Variants in ATP10A observed in about 807,000 individuals in gnomAD.
ATP10A encodes ATPase phospholipid transporting 10A (putative).
In ATP10A, 111 loss-of-function variants were observed where a neutral mutation model predicts 147.8. The ratio of observed to expected loss-of-function variants is 0.75; its 90% confidence interval spans 0.64 to 0.88. The LOEUF is 0.88. ATP10A is among the 40% of genes least tolerant of loss of function. The probability of loss-of-function intolerance (pLI) is 0.00; values close to 1 mark genes in which losing one functional copy is unlikely to be tolerated. For synonymous variants in ATP10A, 875 were observed against 841.6 expected, an observed-to-expected ratio of 1.04 and a Z score of -0.69; for missense variants, 1,927 against 1,959.0, an observed-to-expected ratio of 0.98 and a Z score of 0.31.
intron 1 of ATP10A, among the ~76,000 whole-genome samples, chr15:25,782,777 G>A (rs943903220): frequency 1.6e-4 from 24 of 152,208 alleles, no homozygotes; most frequent in African/African-American, 5.1e-4. Flanking sequence ...CCTTGAAGGC[G>A]GTTTTGGCCA....
chr15:25,726,353 G>A (rs1486191591), intron 4 of ATP10A, among the ~76,000 whole-genome samples: 2 of 152,098 alleles, frequency 1.3e-5, no homozygotes, highest in East Asian at 3.9e-4. Context: ...GAAGGCTTTG[G>A]GTTGAGGTAC....
At chr15:25,680,080 T>A in intron 20 of ATP10A, 41 bp downstream of exon 20, 1 of 1,601,580 alleles carries the variant, frequency 6.2e-7, no homozygotes, top group East Asian at 2.2e-5. Flanking sequence ...TCGTCTGGGC[T>A]CACTCGGGGC....
At chr15:25,697,264 C>T (rs777107805) in intron 13 of ATP10A, among the ~76,000 whole-genome samples, 17 of 152,130 alleles carry the variant, frequency 1.1e-4, no homozygotes, top group Non-Finnish European at 1.9e-4. Flanking sequence ...CCTTTGAAAC[C>T]AACACCCAGA....
intron 6 of ATP10A, among the ~76,000 whole-genome samples, chr15:25,722,192 T>C (rs1182429989): frequency 4.6e-5 from 7 of 152,064 alleles, no homozygotes; most frequent in Non-Finnish European, 1.0e-4. Flanking sequence ...AGCAAGCAAG[T>C]TGTGCTTGAG....
intron 2 of ATP10A, among the ~76,000 whole-genome samples, chr15:25,774,778 A>G (rs138791141): frequency 3.9e-5 from 6 of 152,298 alleles, no homozygotes; most frequent in African/African-American, 1.4e-4. Context: ...TCAAATAATC[A>G]TATTACCTAC....
intron 1 of ATP10A, among the ~76,000 whole-genome samples, chr15:25,785,401 G>C (rs987364993): frequency 2.0e-5 from 3 of 152,188 alleles, no homozygotes; most frequent in African/African-American, 7.2e-5. Context: ...CCCACACCTC[G>C]GTGTCTGACT....
intron 2 of ATP10A, chr15:25,738,459 A>G (rs1887409470): frequency 6.6e-6 from 1 of 152,244 alleles, no homozygotes; most frequent in African/African-American, 2.4e-5. Context: ...ACAAATGATT[A>G]CAATAGTAAA....
chr15:25,747,691 A>C (rs946832814), intron 2 of ATP10A, among the ~76,000 whole-genome samples: 1 of 152,172 alleles, frequency 6.6e-6, no homozygotes, highest in African/African-American at 2.4e-5. Context: ...GTAGAAAAAA[A>C]CCCAGCATAT....
chr15:25,708,233 C>T lies in ATP10A; in HGVS notation c.2412G>A (p.Ala804=), dbSNP rs762896474. The T allele has an allele frequency of 6.8e-6, 11 of 1,614,192 alleles. No homozygotes were observed. The highest frequency in any genetic ancestry group is 1.1e-5 in the South Asian group (1 of 91,084). Residue 804 remains alanine (A), a synonymous_variant, in exon 11 of 21, where the codon GCG becomes GCA. Coordinates refer to ENST00000555815, the MANE Select transcript of ATP10A (RefSeq NM_024490.4). ...SKTQNYLNVY[A]AEGLRTLCIA... ...TGCACAAGGTGCGCAGGCCTTCCGC[C>T]GCATACACGTTGAGGTAATTCTGAG...
At chr15:25,815,458 A>G (rs916882607) in intron 1 of ATP10A, among the ~76,000 whole-genome samples, 1 of 15,880 alleles carries the variant, frequency 6.3e-5, no homozygotes, top group African/African-American at 1.8e-4. Flanking sequence ...TAAAAATAGC[A>G]TCTATACAGT....
chr15:25,697,324 A>T (rs1900394725), intron 13 of ATP10A, among the ~76,000 whole-genome samples: 2 of 152,216 alleles, frequency 1.3e-5, no homozygotes, highest in Non-Finnish European at 2.9e-5. Context: ...AAAAAAATCC[A>T]CATTCTCCAT....
At chr15:25,692,605 T>C (rs1410849856) in intron 14 of ATP10A, among the ~76,000 whole-genome samples, 1 of 152,202 alleles carries the variant, frequency 6.6e-6, no homozygotes, top group African/African-American at 2.4e-5. Flanking sequence ...GAGACCAATA[T>C]TAACTGATCA....
chr15:25,864,018 G>A (rs1893892903), upstream of ATP10A, among the ~76,000 whole-genome samples: 1 of 152,224 alleles, frequency 6.6e-6, no homozygotes, highest in Non-Finnish European at 1.5e-5. Flanking sequence ...AGGTATTTGA[G>A]TGTCTGTTTC....
intron 12 of ATP10A, among the ~76,000 whole-genome samples, chr15:25,707,073 T>C (rs11161209): frequency 0.51 from 77,095 of 152,100 alleles, 19,723 homozygotes; most frequent in Admixed American, 0.58. Flanking sequence ...CCAAGTAATG[T>C]GTGGCCTCCT....
chr15:25,688,306 C>G (rs895722780), intron 15 of ATP10A, among the ~76,000 whole-genome samples: 1 of 152,150 alleles, frequency 6.6e-6, no homozygotes, highest in African/African-American at 2.4e-5. Context: ...GCTGTTCCCC[C>G]CAGAAGCCTT....
chr15:25,719,439 G>C (rs1298441280), intron 7 of ATP10A, among the ~76,000 whole-genome samples: 1 of 152,274 alleles, frequency 6.6e-6, no homozygotes, highest in East Asian at 1.9e-4. Flanking sequence ...TGCCTCCCCA[G>C]CTCTCGGGTG....
chr15:25,772,972 C>T (rs1487837718), intron 2 of ATP10A, among the ~76,000 whole-genome samples: 1 of 152,136 alleles, frequency 6.6e-6, no homozygotes, highest in African/African-American at 2.4e-5. Flanking sequence ...TTCCTTGGCA[C>T]ACGGATTATT....
Position 25,862,996 on chromosome 15 carries a change from G to T in ATP10A, c.101C>A (p.Pro34His). ...TRTVRSNLLP[P>H]PGAEDPAAGA... ...AGCCGCAGGGTCCTCGGCGCCCGGG[G>T]GCGGCAGCAGGTTGGAGCGCACCGT... is the stretch of plus-strand genomic sequence containing the variant. The change falls in exon 1 of 21, where the codon CCC (proline) becomes CAC (histidine). Residue 34 changes from proline to histidine, a missense_variant. By Grantham distance (77) the Pro-to-His change is moderately conservative (BLOSUM62 -2). Transcript: ENST00000555815. The T allele has an allele frequency of 2.8e-6, 4 of 1,410,884 alleles. No homozygotes were observed. Among genetic ancestry groups the T allele is most frequent in the Non-Finnish European group, 3.7e-6 (4 of 1,092,498 alleles). 87.4% of individuals were successfully genotyped at this position (1,410,884 alleles called of 1,614,324 possible).
chr15:25,779,698 C>G (rs1192182280), intron 2 of ATP10A, among the ~76,000 whole-genome samples: 1 of 152,242 alleles, frequency 6.6e-6, no homozygotes, highest in Non-Finnish European at 1.5e-5. Context: ...GGGCCCCTAA[C>G]TCTTTCACCA....
Sources: allele counts gnomAD v4.1 joint callset (sites outside exome capture counted in the v4.1 genomes callset), GRCh38; gene constraint gnomAD v4.1.1; transcripts MANE v1.5; gene names NCBI Gene and HGNC (gene_info 2026-07-23, HGNC 2026-07-21).